The following HTR4 variants were observed in gnomAD, a reference collection of about 807,000 sequenced individuals.
HTR4 encodes 5-hydroxytryptamine (serotonin) receptor 4, G protein-coupled.
A neutral mutation model predicts 36.8 loss-of-function variants in HTR4; 16 were observed. The observed-to-expected ratio is 0.43, with a 90% CI of 0.29 to 0.66. The LOEUF is 0.66. Ranked by LOEUF, HTR4 falls within the 30% of genes least tolerant of loss-of-function variation. The probability of loss-of-function intolerance (pLI) is 0.13; values close to 1 mark genes in which losing one functional copy is unlikely to be tolerated. For missense variants in HTR4, 438 were observed against 490.9 expected (o/e 0.89, Z 1.02); for synonymous variants, 189 against 185.1 (o/e 1.02, Z -0.17).
chr5:148,489,168 T>C (rs190362577), intron 6 of HTR4, among the ~76,000 whole-genome samples: 1 of 152,296 alleles, frequency 6.6e-6, no homozygotes, highest in African/African-American at 2.4e-5. Context: ...TTACTGAATG[T>C]TTATTATGTG....
At chr5:148,605,318 G>A (rs1334787876) in intron 2 of HTR4, among the ~76,000 whole-genome samples, 1 of 144,286 alleles carries the variant, frequency 6.9e-6, no homozygotes, top group Non-Finnish European at 1.5e-5. Context: ...GAGTGCAATG[G>A]CGTGATCTCG....
At chr5:148,491,252 T>G (rs1457875065) in intron 6 of HTR4, among the ~76,000 whole-genome samples, 1 of 152,104 alleles carries the variant, frequency 6.6e-6, no homozygotes, top group South Asian at 2.1e-4. Context: ...TTACTGCCGG[T>G]ACTCTAACCA....
chr5:148,589,806 A>T (rs2127256698), intron 2 of HTR4, among the ~76,000 whole-genome samples: 1 of 152,276 alleles, frequency 6.6e-6, no homozygotes, highest in South Asian at 2.1e-4. Context: ...AAATTAAATC[A>T]ATCTAATTAA....
chr5:148,496,168 A>G (rs961095133), intron 6 of HTR4, among the ~76,000 whole-genome samples: 1 of 152,202 alleles, frequency 6.6e-6, no homozygotes, highest in Non-Finnish European at 1.5e-5. Context: ...ATCACAATCA[A>G]TGCTAGCACA....
intron 2 of HTR4, among the ~76,000 whole-genome samples, chr5:148,586,683 C>T (rs867522): frequency 0.15 from 22,890 of 152,078 alleles, 1,986 homozygotes; most frequent in East Asian, 0.25. Flanking sequence ...CAAACCATAT[C>T]AAGGAGGAAA....
At chr5:148,453,694 G>T (rs1396157010) in intron 5 of HTR4, among the ~76,000 whole-genome samples, 1 of 152,136 alleles carries the variant, frequency 6.6e-6, no homozygotes, top group Non-Finnish European at 1.5e-5. Flanking sequence ...GTGGGCGGGG[G>T]TGGGCTTGAA....
intron 2 of HTR4, among the ~76,000 whole-genome samples, chr5:148,622,809 TTTTA>T (rs1426143985): frequency 6.6e-6 from 1 of 152,188 alleles, no homozygotes; most frequent in Non-Finnish European, 1.5e-5. Flanking sequence ...TAATATAAGG[TTTTA>T]TTACTAGCCA....
At chr5:148,605,811 C>G (rs1752136509) in intron 2 of HTR4, among the ~76,000 whole-genome samples, 1 of 151,768 alleles carries the variant, frequency 6.6e-6, no homozygotes, top group Admixed American at 6.6e-5. Flanking sequence ...TTTAAACCTA[C>G]AGAGTGTAGC....
chr5:148,584,235 T>C (rs1281909198), intron 2 of HTR4, among the ~76,000 whole-genome samples: 1 of 152,162 alleles, frequency 6.6e-6, no homozygotes, highest in Non-Finnish European at 1.5e-5. Flanking sequence ...CTTTATCTAG[T>C]ACAAACACCT....
intron 2 of HTR4, among the ~76,000 whole-genome samples, chr5:148,567,733 A>G (rs559654293): frequency 3.9e-5 from 6 of 152,250 alleles, no homozygotes; most frequent in Admixed American, 1.3e-4. Flanking sequence ...GTCTTCACTT[A>G]GGTCTCTGCT....
intron 4 of HTR4, among the ~76,000 whole-genome samples, chr5:148,548,411 A>G (rs948233162): frequency 2.0e-5 from 3 of 152,134 alleles, no homozygotes; most frequent in Non-Finnish European, 4.4e-5. Context: ...GCTGACATCT[A>G]TTGCTATTTA....
chr5:148,504,586 A>G (rs1423734042), intron 6 of HTR4, among the ~76,000 whole-genome samples: 1 of 152,228 alleles, frequency 6.6e-6, no homozygotes, highest in Non-Finnish European at 1.5e-5. Flanking sequence ...TAAAAGAACT[A>G]GAGCAGCAAG....
intron 4 of HTR4, among the ~76,000 whole-genome samples, chr5:148,545,728 T>A (rs751228094): frequency 6.6e-6 from 1 of 152,062 alleles, no homozygotes; most frequent in Non-Finnish European, 1.5e-5. Context: ...AACTCGGGCC[T>A]GGAGGTGAGG....
chr5:148,647,447 C>G (rs752047176), intron 1 of HTR4, among the ~76,000 whole-genome samples: 3 of 152,152 alleles, frequency 2.0e-5, no homozygotes, highest in Non-Finnish European at 4.4e-5. Flanking sequence ...ATTACCAGAG[C>G]TTGAGAATCA....
intron 2 of HTR4, among the ~76,000 whole-genome samples, chr5:148,570,741 T>C (rs999172401): frequency 2.0e-4 from 31 of 152,090 alleles, no homozygotes; most frequent in African/African-American, 6.8e-4. Context: ...AGGTTGGCAC[T>C]GGGGGTGACA....
chr5:148,626,388 AACTC>A (rs1413782706), intron 2 of HTR4, among the ~76,000 whole-genome samples: 1 of 152,232 alleles, frequency 6.6e-6, no homozygotes, highest in East Asian at 1.9e-4. Context: ...AAGTCACACT[AACTC>A]AATGCACTAT....
At chr5:148,529,629 T>C (rs1308438904) in intron 4 of HTR4, among the ~76,000 whole-genome samples, 1 of 152,196 alleles carries the variant, frequency 6.6e-6, no homozygotes, top group African/African-American at 2.4e-5. Context: ...AATGGACTAA[T>C]ACAGTAAATT....
chr5:148,463,155 C>CTTTTTT (rs1175722648), intron 5 of HTR4, among the ~76,000 whole-genome samples: 2 of 82,558 alleles, frequency 2.4e-5, no homozygotes, highest in Non-Finnish European at 2.4e-5. Context: ...CTTTTCATTT[C>CTTTTTT]TTTTTTTTTC....
At chr5:148,476,819 A>T (rs1755713720), downstream of HTR4, 1 of 1,606,796 alleles carries the variant, frequency 6.2e-7, no homozygotes, top group East Asian at 2.2e-5. Flanking sequence ...ACAGGAGAAG[A>T]ACAAATAAAA....
Sources: gnomAD v4.1 joint callset for allele counts (sites outside exome capture counted in the v4.1 genomes callset) on GRCh38, gnomAD v4.1.1 for gene constraint, MANE v1.5 for transcripts, NCBI Gene and HGNC (gene_info 2026-07-23, HGNC 2026-07-21) for gene names.